The following CYP4F8 variants were observed in gnomAD, a reference collection of about 807,000 sequenced individuals.
The protein encoded by CYP4F8 is cytochrome P450 4F8.
CYP4F8 carries 56 observed loss-of-function variants against 55.0 expected under a neutral mutation model. The ratio of observed to expected loss-of-function variants is 1.02; its 90% CI spans 0.82 to 1.27. The LOEUF (loss-of-function observed/expected upper bound fraction) is 1.27, where lower values mean the gene tolerates loss of function less well. Ranked by LOEUF, CYP4F8 falls within the 50% of genes most tolerant of loss-of-function variation. The pLI is 0.00. For synonymous variants in CYP4F8, 288 were observed against 267.3 expected, an observed-to-expected ratio of 1.08 and a Z score of -0.76; for missense variants, 680 against 682.4, an observed-to-expected ratio of 1.00 and a Z score of 0.04.
In CYP4F8 at chr19:15,629,429, G is replaced by A; in HGVS notation, c.*71G>A. The A allele has an allele frequency of 6.8e-7, 1 of 1,480,920 alleles. No homozygotes were observed. The highest frequency in any genetic ancestry group is 9.0e-7 in the Non-Finnish European group (1 of 1,113,536). The allele number at this position is 1,480,920 out of a possible 1,614,324, so 91.7% of individuals were successfully genotyped here. On this transcript the variant is annotated 3_prime_UTR_variant, in exon 13 of 13. Transcript: ENST00000612078. ...CACCAACTACCTTTTCAGATTTCCG[G>A]TAATAAATCTGTGTTGGCCCCTGTG...
intron 5 of CYP4F8, chr19:15,622,014 T>C (rs1412332943): frequency 1.7e-6 from 1 of 585,674 alleles, no homozygotes; most frequent in Admixed American, 3.6e-5. Flanking sequence ...GAATCACAGC[T>C]GGGGCTTGAA....
chr19:15,618,358 G>A (rs1348402114), intron 3 of CYP4F8: 2 of 829,504 alleles, frequency 2.4e-6, no homozygotes, highest in Non-Finnish European at 3.9e-6. Flanking sequence ...TGTTGTTCTG[G>A]GAACCACTGG....
At chr19:15,620,330 A>G (rs1035410690) in intron 5 of CYP4F8, among the ~76,000 whole-genome samples, 3 of 152,130 alleles carry the variant, frequency 2.0e-5, no homozygotes, top group African/African-American at 7.2e-5. Context: ...ACACCCCAGG[A>G]TTGCTCACAT....
chr19:15,624,612 C>T (rs769179203), intron 9 of CYP4F8, among the ~76,000 whole-genome samples: 1 of 152,106 alleles, frequency 6.6e-6, no homozygotes, highest in Non-Finnish European at 1.5e-5. Flanking sequence ...AACTGCTGAG[C>T]CAAAGACCAT....
At chr19:15,623,664 C>A (rs771250288) in intron 7 of CYP4F8, 35 bp from the exon 8 acceptor site, 8 of 1,611,944 alleles carry the variant, frequency 5.0e-6, no homozygotes, top group Non-Finnish European at 6.8e-6. Flanking sequence ...CTCCAGTGAC[C>A]CCAGAACTAG....
At chr19:15,627,446 C>G (rs576476152) in intron 9 of CYP4F8, 1 of 150,272 alleles carries the variant, frequency 6.7e-6, no homozygotes, top group East Asian at 2.0e-4. Context: ...TGCACTCCAG[C>G]CTGGGTGACA....
intron 5 of CYP4F8, among the ~76,000 whole-genome samples, chr19:15,621,324 G>A (rs1972191127): frequency 1.3e-5 from 2 of 152,100 alleles, no homozygotes; most frequent in South Asian, 2.1e-4. Flanking sequence ...TCAGGAGTTC[G>A]AGACCAGCCT....
intron 5 of CYP4F8, among the ~76,000 whole-genome samples, chr19:15,620,062 A>G (rs1330483670): frequency 6.6e-6 from 1 of 152,240 alleles, no homozygotes; most frequent in Non-Finnish European, 1.5e-5. Context: ...TGCTGAGTAC[A>G]GATCACTTCA....
Position 15,623,231 on chromosome 19 carries a change from G to C in CYP4F8, c.774G>C (p.Arg258Ser), listed in dbSNP as rs1272722806. Residue 258 changes from arginine (R) to serine (S), a missense_variant, in exon 7 of 13, where the codon AGG becomes AGC. Physicochemically the swap from Arg to Ser is moderately radical, Grantham distance 110. Transcript: ENST00000612078. ...FLTPCGRRFH[R>S]ACRLVHDFTD... is the part of the protein sequence containing the mutation. The stretch of plus-strand genomic sequence containing the variant: ...CTCCCTGTGGACGGCGCTTCCACAG[G>C]GCCTGCAGACTGGTGCACGACTTCA... The C allele has an allele frequency of 6.2e-7, 1 of 1,613,996 alleles. No homozygotes were observed. The highest frequency in any genetic ancestry group is 1.7e-5 in the Admixed American group (1 of 59,998).
At chr19:15,628,504 T>TA (rs1972291899) in intron 10 of CYP4F8, 27 bp from the exon 11 acceptor site, 2 of 1,613,460 alleles carry the variant, frequency 1.2e-6, no homozygotes, top group African/African-American at 2.7e-5. Context: ...TCGGACCTTG[T>TA]TCTTACTGTC....
intron 3 of CYP4F8, 90 bp from the exon 4 acceptor site, chr19:15,619,400 G>T: frequency 1.3e-6 from 2 of 1,503,722 alleles, no homozygotes; most frequent in Non-Finnish European, 1.8e-6. Flanking sequence ...GAGAAAAGAC[G>T]TCCAAACCTC....
At chr19:15,615,461 C>T in intron 1 of CYP4F8, 155 bp from the exon 2 acceptor site, 1 of 789,058 alleles carries the variant, frequency 1.3e-6, no homozygotes, top group Non-Finnish European at 1.9e-6. Flanking sequence ...AATTTTGTGT[C>T]ACTTCTCCTC....
rs993842087 is a variant in CYP4F8 at position 15,628,858 on chromosome 19, T to A, written c.1397+15T>A. ...GCGGGGCCCAGGTGAGGCCAGGGGG[T>A]GTCTGAGGTGGGCATGGGCTGAGGG... On this transcript the variant is annotated intron_variant, in intron 12 of 12. Coordinates refer to ENST00000612078, the MANE Select transcript of CYP4F8 (RefSeq NM_007253.4). The A allele has an allele frequency of 6.3e-7, 1 of 1,575,984 alleles. No homozygotes were observed.
chr19:15,617,261 T>TC (rs966038963), intron 2 of CYP4F8, among the ~76,000 whole-genome samples: 2 of 152,174 alleles, frequency 1.3e-5, no homozygotes, highest in Admixed American at 1.3e-4. Context: ...CAGTTTGTCT[T>TC]CCCCCTGTTC....
rs1568381015 is a variant in CYP4F8 at position 15,616,313 on chromosome 19, T to TCACTCATTCCTCTTCTC, written c.198+499_198+500insCACTCATTCCTCTTCTC. On this transcript the variant is annotated intron_variant, in intron 2 of 12. Transcript: ENST00000612078. ...CTCCTCGCTCACTCATTCCTCTCCT[T>TCACTCATTCCTCTTCTC]GCTCACTCATTCCTCTGCTTTGCCA... Among the ~76,000 whole-genome samples the TCACTCATTCCTCTTCTC allele has an allele frequency of 3.6e-5, 5 of 140,608 alleles. 1 individual carries two copies. The highest frequency in any genetic ancestry group is 8.1e-5 in the African/African-American group (3 of 37,176). 92.2% of individuals were successfully genotyped at this position (140,608 alleles called of 152,430 possible). A position where few individuals can be genotyped will look rare whatever the true frequency, so the allele number is the denominator to read the frequency against.
chr19:15,620,718 A>G (rs916004944), intron 5 of CYP4F8, among the ~76,000 whole-genome samples: 2 of 152,138 alleles, frequency 1.3e-5, no homozygotes, highest in African/African-American at 4.8e-5. Context: ...TGGCCTTATC[A>G]TTTTCACCAC....
chr19:15,625,419 G>A (rs1465394860), intron 9 of CYP4F8, among the ~76,000 whole-genome samples: 2 of 148,796 alleles, frequency 1.3e-5, no homozygotes, highest in Admixed American at 1.3e-4. Context: ...TATATATAGT[G>A]TATACACTAT....
intron 7 of CYP4F8, 60 bp downstream of exon 7, chr19:15,623,435 A>G: frequency 6.3e-7 from 1 of 1,595,256 alleles, no homozygotes; most frequent in Non-Finnish European, 8.6e-7. Context: ...CAAATGTCAG[A>G]TTGAAGGACC....
chr19:15,628,684 C>T, intron 11 of CYP4F8, 77 bp from the exon 12 acceptor site: 3 of 1,607,044 alleles, frequency 1.9e-6, no homozygotes, highest in Non-Finnish European at 1.7e-6. Flanking sequence ...CTCTACTCCA[C>T]CCACATCTGT....
Sources: gnomAD v4.1 joint callset for allele counts (sites outside exome capture counted in the v4.1 genomes callset) on GRCh38, gnomAD v4.1.1 for gene constraint, MANE v1.5 for transcripts, NCBI Gene and HGNC (gene_info 2026-07-23, HGNC 2026-07-21) for gene names.